SUGCT: variants seen among roughly 807,000 people sequenced by gnomAD.
SUGCT encodes succinyl-CoA:glutarate-CoA transferase, also known as succinyl-CoA:glutarate CoA-transferase.
SUGCT carries 41 observed loss-of-function variants against 55.0 expected under a neutral mutation model. The observed-to-expected ratio is 0.74, with a 90% confidence interval of 0.58 to 0.97. The LOEUF (loss-of-function observed/expected upper bound fraction) is 0.97. Ranked by LOEUF, SUGCT falls within the 50% of genes least tolerant of loss-of-function variation. The probability of loss-of-function intolerance (pLI) is 0.00; values close to 1 mark genes in which losing one functional copy is unlikely to be tolerated. For missense variants in SUGCT, 568 were observed against 547.8 expected, an observed-to-expected ratio of 1.04 and a Z score of -0.37; for synonymous variants, 187 against 200.4, an observed-to-expected ratio of 0.93 and a Z score of 0.56.
At chr7:40,863,777 A>G (rs1178453557), downstream of SUGCT, among the ~76,000 whole-genome samples, 1 of 152,108 alleles carries the variant, frequency 6.6e-6, no homozygotes, top group Non-Finnish European at 1.5e-5. Flanking sequence ...CTTGAGGTAC[A>G]ACGGGCCTGA....
intron 12 of SUGCT, among the ~76,000 whole-genome samples, chr7:40,643,726 T>C (rs1277386976): frequency 2.0e-5 from 3 of 152,230 alleles, no homozygotes; most frequent in African/African-American, 7.2e-5. Context: ...TTTCTTCCTT[T>C]CCAGGCATCC....
intron 1 of SUGCT, 72 bp from the exon 2 acceptor site, chr7:40,180,870 AAGCTT>A: frequency 9.1e-7 from 1 of 1,101,650 alleles, no homozygotes; most frequent in Non-Finnish European, 1.4e-6. Context: ...GATCTGTCTC[AAGCTT>A]ATAATGGTGT....
intron 13 of SUGCT, among the ~76,000 whole-genome samples, chr7:40,771,982 G>T (rs1015986637): frequency 2.6e-5 from 4 of 151,996 alleles, no homozygotes; most frequent in African/African-American, 4.8e-5. Context: ...TTTTCATCTT[G>T]CTCCTTAAAA....
chr7:40,731,079 G>C (rs1413114668), intron 12 of SUGCT, among the ~76,000 whole-genome samples: 1 of 152,218 alleles, frequency 6.6e-6, no homozygotes, highest in Non-Finnish European at 1.5e-5. Context: ...AGACATGGGA[G>C]ACTGAGTGAA....
At chr7:40,864,942 G>C (rs1270306505), downstream of SUGCT, among the ~76,000 whole-genome samples, 4 of 151,918 alleles carry the variant, frequency 2.6e-5, no homozygotes, top group African/African-American at 9.7e-5. Flanking sequence ...TAAGACCTTA[G>C]GGTTAAAAGT....
chr7:41,036,644 A>T, the SUGCT span, among the ~76,000 whole-genome samples: 2 of 152,108 alleles, frequency 1.3e-5, no homozygotes, highest in African/African-American at 4.8e-5. Context: ...AATTGCCATT[A>T]CTTTTATTGG....
chr7:40,918,244 C>T, the SUGCT span, among the ~76,000 whole-genome samples: 11 of 152,092 alleles, frequency 7.2e-5, no homozygotes, highest in East Asian at 5.8e-4. Context: ...GGGCGGATCA[C>T]GAGGTCAGGA....
At chr7:40,624,772 AAC>A (rs71791486) in intron 12 of SUGCT, among the ~76,000 whole-genome samples, 11,281 of 137,192 alleles carry the variant, frequency 0.082, 696 homozygotes, top group South Asian at 0.29. Flanking sequence ...TTTCTGTGCA[AAC>A]ACACACACAC....
At chr7:40,588,163 A>G (rs376886589) in intron 12 of SUGCT, among the ~76,000 whole-genome samples, 1 of 151,766 alleles carries the variant, frequency 6.6e-6, no homozygotes, top group East Asian at 1.9e-4. Context: ...CGGCCTCCCA[A>G]AGTGCTGAGA....
At chr7:40,864,136 T>C (rs2128811416), downstream of SUGCT, among the ~76,000 whole-genome samples, 1 of 152,240 alleles carries the variant, frequency 6.6e-6, no homozygotes, top group Non-Finnish European at 1.5e-5. Context: ...ACCATGCCAT[T>C]TTCTGAGCAT....
At chr7:41,015,757 G>A in the SUGCT span, among the ~76,000 whole-genome samples, 2 of 152,202 alleles carry the variant, frequency 1.3e-5, no homozygotes, top group South Asian at 2.1e-4. Flanking sequence ...GTGTGGGCAA[G>A]CACATCTGAG....
chr7:40,712,282 A>G (rs1785766542), intron 12 of SUGCT, among the ~76,000 whole-genome samples: 1 of 152,250 alleles, frequency 6.6e-6, no homozygotes, highest in African/African-American at 2.4e-5. Flanking sequence ...GTGAGATCTG[A>G]TAGAAAAATA....
At chr7:40,993,683 TCCCAGGGTTG>T in the SUGCT span, among the ~76,000 whole-genome samples, 1 of 152,102 alleles carries the variant, frequency 6.6e-6, no homozygotes, top group African/African-American at 2.4e-5. Context: ...CAGAATCCAA[TCCCAGGGTTG>T]TGCATCTTTG....
At chr7:40,165,413 C>G (rs1277781195) in intron 1 of SUGCT, among the ~76,000 whole-genome samples, 1 of 152,070 alleles carries the variant, frequency 6.6e-6, no homozygotes, top group Admixed American at 6.6e-5. Flanking sequence ...GGAGTCCTAC[C>G]AAGCAGCTTT....
chr7:40,962,957 C>A, the SUGCT span, among the ~76,000 whole-genome samples: 1 of 152,098 alleles, frequency 6.6e-6, no homozygotes, highest in African/African-American at 2.4e-5. Context: ...AGCTTCCTCC[C>A]CTTATAATAA....
At chr7:40,782,466 A>G (rs1461333169) in intron 13 of SUGCT, 1 of 152,154 alleles carries the variant, frequency 6.6e-6, no homozygotes, top group Non-Finnish European at 1.5e-5. Flanking sequence ...GATATAAGGA[A>G]GTTAGGTAGT....
intron 11 of SUGCT, among the ~76,000 whole-genome samples, chr7:40,484,665 T>C (rs891620935): frequency 6.6e-6 from 1 of 152,158 alleles, no homozygotes; most frequent in Non-Finnish European, 1.5e-5. Context: ...ATCATGAAGA[T>C]CATAAAACTC....
chr7:40,845,854 AT>A (rs1386598270), intron 13 of SUGCT, among the ~76,000 whole-genome samples: 3 of 152,198 alleles, frequency 2.0e-5, no homozygotes, highest in Non-Finnish European at 4.4e-5. Context: ...AAGATGGTTG[AT>A]ATAAGACTAA....
chr7:40,681,989 T>C (rs1040499225), intron 12 of SUGCT, among the ~76,000 whole-genome samples: 1 of 152,150 alleles, frequency 6.6e-6, no homozygotes, highest in South Asian at 2.1e-4. Context: ...TGTGAAGATA[T>C]CTTGAGTTTC....
Sources: allele counts gnomAD v4.1 joint callset (sites outside exome capture counted in the v4.1 genomes callset), GRCh38; gene constraint gnomAD v4.1.1; transcripts MANE v1.5; gene names NCBI Gene and HGNC (gene_info 2026-07-23, HGNC 2026-07-21).